Variants in ARB2A observed in about 807,000 individuals in gnomAD.
The protein encoded by ARB2A is ARB2 cotranscriptional regulator A.
At chr5:94,037,720 T>A in the ARB2A span, among the ~76,000 whole-genome samples, 1 of 152,238 alleles carries the variant, frequency 6.6e-6, no homozygotes, top group South Asian at 2.1e-4. Flanking sequence ...TCACATTACA[T>A]AAAGGTATCA....
chr5:93,908,539 T>C, the ARB2A span, among the ~76,000 whole-genome samples: 2 of 150,770 alleles, frequency 1.3e-5, no homozygotes, highest in African/African-American at 4.8e-5. Flanking sequence ...TACAAAAGTA[T>C]TTTTTGCTTT....
chr5:93,728,388 CAG>C, the ARB2A span, among the ~76,000 whole-genome samples: 6 of 152,010 alleles, frequency 3.9e-5, no homozygotes, highest in Admixed American at 3.9e-4. Context: ...TGATAATCAA[CAG>C]AGTTTCTAAT....
At chr5:94,078,405 C>T in the ARB2A span, among the ~76,000 whole-genome samples, 1 of 152,124 alleles carries the variant, frequency 6.6e-6, no homozygotes, top group Non-Finnish European at 1.5e-5. Context: ...AAGACCCACC[C>T]AAATTACAGT....
chr5:93,620,967 C>T, the ARB2A span: 2 of 1,599,868 alleles, frequency 1.3e-6, no homozygotes, highest in Non-Finnish European at 1.7e-6. Context: ...GGGCGGCCTC[C>T]CCCGTCGCGC....
the ARB2A span, among the ~76,000 whole-genome samples, chr5:93,731,162 C>T: frequency 6.6e-6 from 1 of 152,054 alleles, no homozygotes; most frequent in Admixed American, 6.6e-5. Context: ...ATTGTGTCCC[C>T]CACCAAATTT....
At chr5:94,066,058 T>C in the ARB2A span, among the ~76,000 whole-genome samples, 1 of 151,684 alleles carries the variant, frequency 6.6e-6, no homozygotes, top group Non-Finnish European at 1.5e-5. Context: ...CTTCAGAAAA[T>C]GTACAAATAC....
the ARB2A span, among the ~76,000 whole-genome samples, chr5:93,750,184 G>C: frequency 6.6e-6 from 1 of 152,150 alleles, no homozygotes; most frequent in South Asian, 2.1e-4. Context: ...ATGCAAATTA[G>C]GGGTAAGACA....
chr5:93,992,632 TAC>T, the ARB2A span, among the ~76,000 whole-genome samples: 1 of 152,190 alleles, frequency 6.6e-6, no homozygotes, highest in Admixed American at 6.5e-5. Flanking sequence ...ACATTAATTA[TAC>T]AGTTTTGCCA....
At chr5:93,875,406 A>G in the ARB2A span, among the ~76,000 whole-genome samples, 1 of 151,918 alleles carries the variant, frequency 6.6e-6, no homozygotes, top group Admixed American at 6.6e-5. Context: ...TAATTTTTGT[A>G]TTTTTAGTAG....
the ARB2A span, among the ~76,000 whole-genome samples, chr5:93,991,015 C>A: frequency 6.6e-6 from 1 of 152,098 alleles, no homozygotes; most frequent in Non-Finnish European, 1.5e-5. Flanking sequence ...TAGAAAGTCT[C>A]CCTAAGAGTT....
the ARB2A span, among the ~76,000 whole-genome samples, chr5:93,783,354 G>C: frequency 6.6e-6 from 1 of 152,162 alleles, no homozygotes; most frequent in African/African-American, 2.4e-5. Context: ...ACTTTTGTAT[G>C]ATGAAAGTAC....
chr5:94,089,671 G>C, the ARB2A span, among the ~76,000 whole-genome samples: 2 of 147,684 alleles, frequency 1.4e-5, no homozygotes, highest in Non-Finnish European at 3.0e-5. Flanking sequence ...TAAGCTGTAA[G>C]CCTCCAGTGC....
the ARB2A span, among the ~76,000 whole-genome samples, chr5:94,069,452 C>T: frequency 9.6e-4 from 146 of 152,202 alleles, no homozygotes; most frequent in African/African-American, 2.7e-3. Context: ...TTAAACTAAA[C>T]AGCTCCTACA....
chr5:94,073,553 T>C, the ARB2A span, among the ~76,000 whole-genome samples: 1 of 152,098 alleles, frequency 6.6e-6, no homozygotes, highest in African/African-American at 2.4e-5. Flanking sequence ...TGAACTCACA[T>C]ACTGCTTGCA....
the ARB2A span, among the ~76,000 whole-genome samples, chr5:93,959,276 A>G: frequency 6.6e-6 from 1 of 152,060 alleles, no homozygotes; most frequent in East Asian, 1.9e-4. Flanking sequence ...CTACTTTTTT[A>G]GTGCCTCCTA....
At chr5:93,803,921 G>C in the ARB2A span, among the ~76,000 whole-genome samples, 2 of 151,922 alleles carry the variant, frequency 1.3e-5, no homozygotes, top group Admixed American at 1.3e-4. Flanking sequence ...AGACAGTGGA[G>C]CTAGGTTTGT....
chr5:94,040,523 G>A, the ARB2A span, among the ~76,000 whole-genome samples: 1 of 121,642 alleles, frequency 8.2e-6, no homozygotes, highest in East Asian at 2.4e-4. Flanking sequence ...CCCACAACAG[G>A]CCCCAGTATG....
At chr5:94,032,216 T>G in the ARB2A span, among the ~76,000 whole-genome samples, 3 of 152,118 alleles carry the variant, frequency 2.0e-5, no homozygotes, top group Admixed American at 2.0e-4. Flanking sequence ...TTAAAGTTTA[T>G]AAAGAAAAGA....
the ARB2A span, among the ~76,000 whole-genome samples, chr5:94,079,022 A>C: frequency 6.6e-6 from 1 of 152,184 alleles, no homozygotes; most frequent in Non-Finnish European, 1.5e-5. Flanking sequence ...CAGAATACCA[A>C]AATCAATCAA....
Sources: gnomAD v4.1 joint callset for allele counts (sites outside exome capture counted in the v4.1 genomes callset) on GRCh38, gnomAD v4.1.1 for gene constraint, MANE v1.5 for transcripts, NCBI Gene and HGNC (gene_info 2026-07-23, HGNC 2026-07-21) for gene names.